LRRK1: variants seen among roughly 807,000 people sequenced by gnomAD.
The protein encoded by LRRK1 is leucine-rich repeat serine/threonine-protein kinase 1.
LRRK1 carries 113 observed loss-of-function variants against 209.1 expected under a neutral mutation model. The observed-to-expected ratio is 0.54, with a 90% CI of 0.46 to 0.63. The LOEUF (loss-of-function observed/expected upper bound fraction) is 0.63. LRRK1 is among the 30% of genes least tolerant of loss of function. The pLI is 0.00. For missense variants in LRRK1, 2,284 were observed against 2,632.2 expected, an observed-to-expected ratio of 0.87 and a Z score of 2.89; for synonymous variants, 1,144 against 1,099.7, an observed-to-expected ratio of 1.04 and a Z score of -0.80.
rs2035553955 is a variant in LRRK1 at position 101,052,944 on chromosome 15, C to T, written c.3712C>T (p.Leu1238=). The T allele has an allele frequency of 6.2e-7, 1 of 1,609,496 alleles. No individual in the cohort carries two copies. The change falls in exon 25 of 34, where the codon CTG becomes TTG. Residue 1238 remains leucine (L), a synonymous_variant. Transcript: ENST00000388948. ...CAGGCTCTTCCTGGAGAACAGCAAG[C>T]TGGAGCACAGCGAGGACGAGGGCAG... The part of the protein sequence containing the change: ...PARLFLENSK[L]EHSEDEGSVL...
intron 7 of LRRK1, 139 bp from the exon 8 acceptor site, chr15:101,010,311 T>C: frequency 1.1e-6 from 1 of 872,112 alleles, no homozygotes; most frequent in Non-Finnish European, 1.8e-6. Context: ...TCATATGCAC[T>C]ACATTTTCAA....
chr15:100,988,449 C>A, intron 4 of LRRK1, 185 bp from the exon 5 acceptor site: 1 of 651,576 alleles, frequency 1.5e-6, no homozygotes, highest in South Asian at 1.8e-5. Flanking sequence ...ACCTCCAGCT[C>A]CATCCATGAT....
In LRRK1 at chr15:101,074,755, C is replaced by A. The variant is rs2036921383; in HGVS notation, c.*5907C>A. On this transcript the variant is annotated 3_prime_UTR_variant, in exon 34 of 34. Transcript: ENST00000388948. ...TCCAGCACACAAGAACTTCCAAACA[C>A]CTGAACTGCAGCGGCCAGGCATTCC... 6.6e-6 allele frequency: 1 copy of A among 152,070 alleles called. No individual in the cohort carries two copies. The highest frequency in any genetic ancestry group is 1.5e-5 in the Non-Finnish European group (1 of 67,994). The allele number at this position is 152,070 out of a possible 1,614,324, so 9.4% of individuals were successfully genotyped here.
chr15:101,047,505 G>A (rs528290969), intron 21 of LRRK1, among the ~76,000 whole-genome samples: 4 of 152,376 alleles, frequency 2.6e-5, no homozygotes, highest in Admixed American at 2.0e-4. Context: ...AGGCCAGGGC[G>A]CCCTTCCGGG....
At position 101,066,643 on chromosome 15, in the gene LRRK1, C is replaced by A; in HGVS notation, c.5772C>A (p.Arg1924=). 6.2e-7 allele frequency: 1 copy of A among 1,614,066 alleles called. No individual in the cohort carries two copies. The highest frequency in any genetic ancestry group is 8.5e-7 in the Non-Finnish European group (1 of 1,179,882). The change falls in exon 33 of 34, where the codon CGC becomes CGA. Residue 1924 remains arginine, a synonymous_variant. Coordinates refer to ENST00000388948, the MANE Select transcript of LRRK1 (RefSeq NM_024652.6). The stretch of plus-strand genomic sequence containing the variant: ...CTTCTGGGTTTTGGTTGCTTAGGCG[C>A]GGTGGAGATGTTATCGTCATTGGCC... ...AVRDLIWVPR[R]GGDVIVIGLE... is the part of the protein sequence containing the mutation.
intron 2 of LRRK1, among the ~76,000 whole-genome samples, chr15:100,968,252 C>T (rs2030603164): frequency 6.6e-6 from 1 of 152,088 alleles, no homozygotes; most frequent in African/African-American, 2.4e-5. Context: ...ATTCATTCTC[C>T]TGTGGATGGA....
rs571105189 is a variant in LRRK1 at position 101,015,347 on chromosome 15, G to C, written c.1554G>C (p.Thr518=). The change falls in exon 12 of 34, where the codon ACG becomes ACC. Residue 518 remains threonine (T), a synonymous_variant. Transcript: ENST00000388948. The stretch of plus-strand genomic sequence containing the variant: ...CCAGAAATGAAGATGGACTGAAAAC[G>C]AAGCGTATTGCCTTTTTCACCACCA... The part of the protein sequence containing the change: ...QLGKNEDGLK[T]KRIAFFTTRG... The C allele has an allele frequency of 6.2e-7, 1 of 1,613,784 alleles. No individual in the cohort carries two copies. Among genetic ancestry groups the C allele is most frequent in the East Asian group, 2.2e-5 (1 of 44,852 alleles).
intron 20 of LRRK1, among the ~76,000 whole-genome samples, chr15:101,040,369 A>G (rs989511545): frequency 6.6e-6 from 1 of 152,026 alleles, no homozygotes; most frequent in African/African-American, 2.4e-5. Flanking sequence ...GTGTAGTGAT[A>G]TGCTCTCTCT....
rs1285293554 is a variant in LRRK1, at chr15:101,024,907, G to A, written c.2172G>A (p.Trp724Ter). ...ACAAGGCCCTGTACGTGGTGGTCTG[G>A]AACCTGGCGCTGGGGGAGGAGGCCG... Reference protein sequence around the residue: ...FTDKALYVVVWNLALGEEAVA... With the variant: ...FTDKALYVVV The change falls in exon 16 of 34, where the codon TGG becomes TGA. Residue 724 changes from tryptophan to a stop codon, truncating the protein, a stop_gained. Coordinates refer to ENST00000388948, the MANE Select transcript of LRRK1 (RefSeq NM_024652.6). LOFTEE classifies it high-confidence loss of function. This position sits in a 1 kb window ranked among gnomAD's most constrained non-coding sequence, Gnocchi z 4.6. 1.9e-6 allele frequency: 3 copies of A among 1,614,170 alleles called. No individual in the cohort carries two copies. The highest frequency in any genetic ancestry group is 2.5e-6 in the Non-Finnish European group (3 of 1,180,024).
Position 100,988,822 on chromosome 15 carries a change from C to G in LRRK1, c.613+9C>G, listed in dbSNP as rs761934543. 2 of 1,585,322 alleles carry G rather than the reference C, an allele frequency of 1.3e-6. No homozygotes were observed. The highest frequency in any genetic ancestry group is 1.7e-6 in the Non-Finnish European group (2 of 1,161,694). On this transcript the variant is annotated intron_variant, in intron 5 of 33. Coordinates refer to ENST00000388948, the MANE Select transcript of LRRK1 (RefSeq NM_024652.6). ...TGCGGCCATCAAGTCAGGTGGGTTT[C>G]CCCACTACCCTGAGTCAACCCTGAC... is the stretch of plus-strand genomic sequence containing the variant.
chr15:101,037,642 G>C (rs2034546077), intron 20 of LRRK1, among the ~76,000 whole-genome samples: 1 of 152,104 alleles, frequency 6.6e-6, no homozygotes, highest in Admixed American at 6.5e-5. Context: ...TGGTGGGTGG[G>C]GAACATATGC....
intron 2 of LRRK1, among the ~76,000 whole-genome samples, chr15:100,946,724 T>G (rs993646147): frequency 3.9e-5 from 6 of 152,156 alleles, no homozygotes; most frequent in African/African-American, 1.4e-4. Context: ...ATGATGAAAC[T>G]AAACAGTTTT....
In LRRK1 at chr15:101,025,910, T is replaced by C. The variant is rs555995818; in HGVS notation, c.2233-55T>C. ...ACCTGCACAGCTGGGAGCTCTGTCCTGTCCCTTGTTCCATGAACAGAGACA... is the reference window on the plus strand; with the variant it reads ...ACCTGCACAGCTGGGAGCTCTGTCCCGTCCCTTGTTCCATGAACAGAGACA... On this transcript the variant is annotated intron_variant, in intron 16 of 33. Transcript: ENST00000388948. 1.8e-5 allele frequency: 29 copies of C among 1,593,720 alleles called. No individual in the cohort carries two copies. In the South Asian group the frequency reaches 2.0e-4, roughly 11 times the overall value.
chr15:101,015,435 T>G (rs369002641), intron 12 of LRRK1, 33 bp downstream of exon 12: 1 of 1,553,440 alleles, frequency 6.4e-7, no homozygotes, highest in African/African-American at 1.4e-5. Flanking sequence ...TGTTCCCAGA[T>G]GAGACAGCCG....
intron 9 of LRRK1, 152 bp from the exon 10 acceptor site, chr15:101,011,856 T>C: frequency 6.2e-6 from 4 of 640,782 alleles, no homozygotes; most frequent in Non-Finnish European, 1.1e-5. Context: ...ACAGTGAGGG[T>C]GTGCAGCCTT....
At chr15:100,942,637 A>G (rs2042462604) in intron 2 of LRRK1, among the ~76,000 whole-genome samples, 1 of 152,224 alleles carries the variant, frequency 6.6e-6, no homozygotes, top group African/African-American at 2.4e-5. Context: ...TTAAATTAAA[A>G]TGTTTCAATT....
intron 26 of LRRK1, among the ~76,000 whole-genome samples, chr15:101,054,329 G>C (rs991732942): frequency 2.0e-5 from 3 of 152,188 alleles, no homozygotes; most frequent in Non-Finnish European, 4.4e-5. Flanking sequence ...CTTGACCTGA[G>C]GTGAACTCTA....
At chr15:101,003,986 T>C (rs9920628) in intron 6 of LRRK1, among the ~76,000 whole-genome samples, 8,114 of 152,176 alleles carry the variant, frequency 0.053, 283 homozygotes, top group African/African-American at 0.1. Context: ...ACCCTTGTGG[T>C]CCCCAAAACC....
intron 3 of LRRK1, among the ~76,000 whole-genome samples, chr15:100,978,217 G>C (rs1446881040): frequency 6.6e-6 from 1 of 152,152 alleles, no homozygotes; most frequent in East Asian, 1.9e-4. Flanking sequence ...AAAGAAAATA[G>C]ACTGAACAAA....
Sources: allele counts gnomAD v4.1 joint callset (sites outside exome capture counted in the v4.1 genomes callset), GRCh38; gene constraint gnomAD v4.1.1; non-coding constraint Gnocchi (gnomAD v3.1); transcripts MANE v1.5; gene names NCBI Gene and HGNC (gene_info 2026-07-23, HGNC 2026-07-21).